The following CSMD2 variants were observed in gnomAD, a reference collection of about 807,000 sequenced individuals.
CSMD2 encodes CUB and Sushi multiple domains 2.
Under a neutral mutation model 398.5 loss-of-function variants are expected in CSMD2, and 130 were observed. The ratio of observed to expected loss-of-function variants is 0.33; its 90% CI spans 0.28 to 0.38. CSMD2 has a LOEUF of 0.38. Ranked by LOEUF, CSMD2 falls within the 10% of genes least tolerant of loss-of-function variation. CSMD2 has a pLI of 1.00. For missense variants in CSMD2, 3,829 were observed against 4,764.9 expected, an observed-to-expected ratio of 0.80 and a Z score of 5.78; for synonymous variants, 1,828 against 1,908.5, an observed-to-expected ratio of 0.96 and a Z score of 1.10.
At chr1:33,794,077 G>C (rs1343168028) in intron 10 of CSMD2, among the ~76,000 whole-genome samples, 1 of 152,132 alleles carries the variant, frequency 6.6e-6, no homozygotes, top group Non-Finnish European at 1.5e-5. Flanking sequence ...TTTTTTCCTA[G>C]TTGTGGCTGA....
At chr1:33,572,387 C>T in intron 50 of CSMD2, 119 bp downstream of exon 50, 1 of 878,726 alleles carries the variant, frequency 1.1e-6, no homozygotes, top group Non-Finnish European at 1.6e-6. Flanking sequence ...ACCTCCATGT[C>T]CATGTTTTTT....
At chr1:33,575,043 C>T (rs983474440) in intron 49 of CSMD2, among the ~76,000 whole-genome samples, 12 of 152,162 alleles carry the variant, frequency 7.9e-5, no homozygotes, top group African/African-American at 2.9e-4. Context: ...ATACTCCAGC[C>T]TGAGATACTA....
At chr1:34,130,877 C>T (rs995707285) in intron 1 of CSMD2, among the ~76,000 whole-genome samples, 2 of 152,122 alleles carry the variant, frequency 1.3e-5, no homozygotes, top group African/African-American at 4.8e-5. Context: ...CATCTCCGCA[C>T]ATCCACAGCT....
At chr1:34,068,278 G>A (rs1570992630) in intron 2 of CSMD2, among the ~76,000 whole-genome samples, 1 of 152,312 alleles carries the variant, frequency 6.6e-6, no homozygotes, top group South Asian at 2.1e-4. Context: ...TCCCACTTGA[G>A]TTTGTCAATG....
rs117977415 is a variant in CSMD2 at position 33,965,196 on chromosome 1, C to T, written c.518-29242G>A. Among the ~76,000 whole-genome samples the T allele has an allele frequency of 4.0e-4, 61 of 152,274 alleles. No individual in the cohort carries two copies. The East Asian group carries it at 0.012, about 29-fold the overall frequency. On this transcript the variant is annotated intron_variant, in intron 3 of 70. Coordinates refer to ENST00000373381, the MANE Select transcript of CSMD2 (RefSeq NM_001281956.2). ...TCTCCACTCATCCTCTTCCCCTCGA[C>T]CGTGGAGTGAAGAAGGCCCTCCTGC...
intron 2 of CSMD2, among the ~76,000 whole-genome samples, chr1:34,065,170 A>G (rs566613980): frequency 6.6e-6 from 1 of 152,128 alleles, no homozygotes; most frequent in South Asian, 2.1e-4. Flanking sequence ...ACCCCACCTC[A>G]TGATGGTCTC....
At chr1:33,646,505 G>T in intron 29 of CSMD2, 143 bp downstream of exon 29, 1 of 837,198 alleles carries the variant, frequency 1.2e-6, no homozygotes, top group Non-Finnish European at 1.9e-6. Flanking sequence ...GGAAAGGCAG[G>T]TTTCTGCAGG....
At position 33,725,373 on chromosome 1, in the gene CSMD2, T is replaced by C. The variant is rs756789191; in HGVS notation, c.2671A>G (p.Ile891Val). 5 of 1,614,056 alleles carry C rather than the reference T, an allele frequency of 3.1e-6. No homozygotes were observed. Among genetic ancestry groups the C allele is most frequent in the South Asian group, 2.2e-5 (2 of 91,072 alleles). The stretch of plus-strand genomic sequence containing the variant: ...CTCTCATAGCGGAGCTGGAAGCCGA[T>C]GTCCGAGTGACTCTTGTCGGTAGAG... Reference protein sequence around the residue: ...LFSTDKSHSDIGFQLRYETIT... With the variant: ...LFSTDKSHSDVGFQLRYETIT... The change falls in exon 17 of 71, where the codon ATC becomes GTC. Residue 891 changes from isoleucine (I) to valine (V), a missense_variant. Physicochemically the swap from Ile to Val is conservative, Grantham distance 29. Transcript: ENST00000373381.
At position 33,658,078 on chromosome 1, in the gene CSMD2, C is replaced by T; in HGVS notation, c.4315G>A (p.Asp1439Asn). The T allele has an allele frequency of 1.2e-6, 2 of 1,614,212 alleles. No individual in the cohort carries two copies. Among genetic ancestry groups the T allele is most frequent in the Non-Finnish European group, 1.7e-6 (2 of 1,180,050 alleles). The change falls in exon 27 of 71, where the codon GAC becomes AAC. Residue 1439 changes from aspartate (D) to asparagine (N), a missense_variant. Around this residue, in one of 5 missense-constraint regions of CSMD2, gnomAD observed 2,001 missense variants for 2,567.1 expected, o/e 0.78. Transcript: ENST00000373381. ...GIPQNGSRSG[D>N]SWEAGDSTVF... ...GTGGAGTCGCCGGCTTCCCAACTGT[C>T]ACCACTCCGACTCCCATTCTGCGGG...
rs747412594 is a variant in CSMD2, at chr1:33,864,389, C to T, written c.921-17393G>A. ...CCAAATATGAAGCCCTGGCCAAACT[C>T]GACAAAGCCCGATACCAGGAAGAAA... On this transcript the variant is annotated intron_variant, in intron 5 of 70. Transcript: ENST00000373381. The T allele has an allele frequency of 1.4e-5, 23 of 1,613,936 alleles. No individual in the cohort carries two copies. The African/African-American group carries it at 2.0e-4, about 14-fold the overall frequency.
intron 16 of CSMD2, 147 bp downstream of exon 16, chr1:33,726,400 C>T: frequency 4.4e-6 from 4 of 913,448 alleles, no homozygotes; most frequent in Non-Finnish European, 6.3e-6. Flanking sequence ...AGGTCTGCCC[C>T]ACCCAGGGCA....
intron 2 of CSMD2, among the ~76,000 whole-genome samples, chr1:34,069,306 A>G (rs1442540094): frequency 6.6e-6 from 1 of 152,242 alleles, no homozygotes; most frequent in Non-Finnish European, 1.5e-5. Flanking sequence ...GCAGTGGTGA[A>G]CAAGACAGCT....
intron 12 of CSMD2, among the ~76,000 whole-genome samples, chr1:33,783,622 G>C (rs768376249): frequency 1.3e-5 from 2 of 152,130 alleles, no homozygotes; most frequent in East Asian, 1.9e-4. Context: ...GGAGAAAACG[G>C]GGTGCTGTTC....
chr1:34,036,584 TTC>T (rs1422880368), intron 2 of CSMD2, among the ~76,000 whole-genome samples: 2 of 152,308 alleles, frequency 1.3e-5, no homozygotes, highest in Non-Finnish European at 2.9e-5. Context: ...GATGGAATCA[TTC>T]TGTGTCTTGA....
intron 2 of CSMD2, among the ~76,000 whole-genome samples, chr1:34,035,623 T>C (rs1230087858): frequency 6.7e-6 from 1 of 150,314 alleles, no homozygotes; most frequent in East Asian, 2.0e-4. Context: ...CCACATCAAC[T>C]AATGCAGAAA....
At chr1:33,911,517 C>T (rs1038920528) in intron 5 of CSMD2, among the ~76,000 whole-genome samples, 2 of 151,978 alleles carry the variant, frequency 1.3e-5, no homozygotes, top group African/African-American at 4.8e-5. Context: ...GCAGAGTAGA[C>T]AGTTTTTGTA....
chr1:34,165,522 C>CT (rs1269941368), upstream of CSMD2, among the ~76,000 whole-genome samples: 3 of 152,220 alleles, frequency 2.0e-5, no homozygotes, highest in East Asian at 5.8e-4. Flanking sequence ...TGACCAGTTT[C>CT]TTTTAAGTTC....
intron 56 of CSMD2, among the ~76,000 whole-genome samples, chr1:33,547,459 A>G (rs1000144521): frequency 6.6e-6 from 1 of 152,248 alleles, no homozygotes; most frequent in Non-Finnish European, 1.5e-5. Context: ...GTGGGCATCA[A>G]ATGGTAACAT....
chr1:33,682,663 C>T (rs918895827), intron 25 of CSMD2, among the ~76,000 whole-genome samples: 3 of 152,108 alleles, frequency 2.0e-5, no homozygotes, highest in African/African-American at 7.2e-5. Context: ...TGACTATGTA[C>T]TTGCCTGTGT....
Sources: allele counts gnomAD v4.1 joint callset (sites outside exome capture counted in the v4.1 genomes callset), GRCh38; gene constraint gnomAD v4.1.1; regional missense constraint gnomAD v4.1.1; transcripts MANE v1.5; gene names NCBI Gene and HGNC (gene_info 2026-07-23, HGNC 2026-07-21).